Variants in CEP112 observed in about 807,000 individuals in gnomAD.
CEP112 encodes the protein centrosomal protein 112.
Under a neutral mutation model 153.0 loss-of-function variants are expected in CEP112, and 127 were observed. That is an observed-to-expected ratio of 0.83 (90% CI 0.72 to 0.96). The LOEUF is 0.96. CEP112 is among the 40% of genes least tolerant of loss of function. CEP112 has a pLI of 0.00. For missense variants in CEP112, 1,089 were observed against 1,101.2 expected (o/e 0.99, Z 0.16); for synonymous variants, 358 against 374.4 (o/e 0.96, Z 0.51).
chr17:66,108,224 A>C (rs2068867217), intron 6 of CEP112, among the ~76,000 whole-genome samples: 1 of 152,176 alleles, frequency 6.6e-6, no homozygotes, highest in South Asian at 2.1e-4. Context: ...GAAACTCTCC[A>C]GGACATTGGA....
At chr17:65,800,214 C>A (rs1016822818) in intron 21 of CEP112, among the ~76,000 whole-genome samples, 3 of 152,072 alleles carry the variant, frequency 2.0e-5, no homozygotes, top group African/African-American at 7.2e-5. Context: ...ACCATCACCA[C>A]AATCTGATTC....
intron 19 of CEP112, among the ~76,000 whole-genome samples, chr17:65,914,095 AAATTT>A (rs1347269997): frequency 6.6e-6 from 1 of 152,068 alleles, no homozygotes; most frequent in Non-Finnish European, 1.5e-5. Context: ...AAAATTAACT[AAATTT>A]AATTAAGATT....
intron 18 of CEP112, 113 bp from the exon 19 acceptor site, chr17:65,927,802 A>G: frequency 1.9e-6 from 1 of 513,198 alleles, no homozygotes; most frequent in Non-Finnish European, 3.3e-6. Context: ...ACCAATAATA[A>G]TGATGAATTT....
intron 21 of CEP112, among the ~76,000 whole-genome samples, chr17:65,834,782 G>A (rs1051856747): frequency 7.2e-5 from 11 of 152,118 alleles, no homozygotes; most frequent in Non-Finnish European, 1.2e-4. Flanking sequence ...GTGGAAGGCA[G>A]TATGGCCATT....
intron 12 of CEP112, among the ~76,000 whole-genome samples, chr17:66,046,725 G>C (rs2066225892): frequency 6.6e-6 from 1 of 152,058 alleles, no homozygotes; most frequent in Non-Finnish European, 1.5e-5. Context: ...ACTGGATTAG[G>C]GTGGGCCCTA....
At chr17:65,939,927 A>G (rs2061458493) in intron 18 of CEP112, among the ~76,000 whole-genome samples, 1 of 152,214 alleles carries the variant, frequency 6.6e-6, no homozygotes, top group East Asian at 1.9e-4. Flanking sequence ...ACAGGAAACT[A>G]AACAATCAAC....
At chr17:65,781,552 C>G (rs1252235307) in intron 21 of CEP112, among the ~76,000 whole-genome samples, 1 of 151,916 alleles carries the variant, frequency 6.6e-6, no homozygotes, top group Non-Finnish European at 1.5e-5. Context: ...CCAAACCAAT[C>G]CTAAGCAAAA....
intron 4 of CEP112, among the ~76,000 whole-genome samples, chr17:66,143,643 TATA>T (rs2070799228): frequency 6.6e-6 from 1 of 152,212 alleles, no homozygotes. Flanking sequence ...TTAAAGGAAT[TATA>T]GCTTCATTTG....
At chr17:65,711,402 T>C (rs2049177166) in intron 23 of CEP112, among the ~76,000 whole-genome samples, 1 of 152,224 alleles carries the variant, frequency 6.6e-6, no homozygotes, top group African/African-American at 2.4e-5. Context: ...ACAGTACCTA[T>C]CTCATATGGT....
chr17:65,912,000 A>G (rs2060301933), intron 19 of CEP112, among the ~76,000 whole-genome samples: 1 of 152,024 alleles, frequency 6.6e-6, no homozygotes, highest in Non-Finnish European at 1.5e-5. Flanking sequence ...GCAGTACAAG[A>G]CTCTTAAACA....
chr17:65,880,791 C>T (rs2059034612), intron 20 of CEP112, among the ~76,000 whole-genome samples: 1 of 152,200 alleles, frequency 6.6e-6, no homozygotes, highest in Non-Finnish European at 1.5e-5. Flanking sequence ...AGTTAAACGT[C>T]TGAATGTTTT....
At chr17:65,940,205 G>C (rs1181696020) in intron 18 of CEP112, among the ~76,000 whole-genome samples, 1 of 152,138 alleles carries the variant, frequency 6.6e-6, no homozygotes, top group Admixed American at 6.5e-5. Flanking sequence ...ACAACTGTTA[G>C]AACAGTTTTT....
At chr17:65,733,242 A>G (rs2050614822) in intron 23 of CEP112, among the ~76,000 whole-genome samples, 1 of 152,202 alleles carries the variant, frequency 6.6e-6, no homozygotes, top group Non-Finnish European at 1.5e-5. Flanking sequence ...GATACACACA[A>G]CACTTATTGT....
chr17:66,169,282 CTTTT>C (rs538896272), intron 4 of CEP112, among the ~76,000 whole-genome samples: 7 of 120,964 alleles, frequency 5.8e-5, no homozygotes, highest in Non-Finnish European at 1.2e-4. Context: ...TTAATTTCTT[CTTTT>C]TTTTTTTTTT....
intron 20 of CEP112, among the ~76,000 whole-genome samples, chr17:65,861,735 AC>A (rs528030425): frequency 1.1e-3 from 160 of 152,338 alleles, no homozygotes; most frequent in African/African-American, 3.7e-3. Flanking sequence ...AAGAAGTCTG[AC>A]AATACCAAAT....
rs529533936 is a variant in CEP112 at position 66,155,429 on chromosome 17, C to T, written c.470+19615G>A. On this transcript the variant is annotated intron_variant, in intron 4 of 26. Transcript: ENST00000535342. ...GAGATTCCCTTAGGTGCCTACACCA[C>T]CAGGGCCCTGGGTTTCAAGCACAAA... is the stretch of plus-strand genomic sequence containing the variant. Among the ~76,000 whole-genome samples the T allele has an allele frequency of 5.9e-5, 9 of 152,214 alleles. No individual in the cohort carries two copies. In the South Asian group the frequency reaches 1.9e-3, roughly 32 times the overall value.
intron 17 of CEP112, among the ~76,000 whole-genome samples, chr17:65,971,325 A>G (rs138630657): frequency 1.3e-5 from 2 of 150,932 alleles, no homozygotes; most frequent in Non-Finnish European, 3.0e-5. Flanking sequence ...CAAGTCTTAA[A>G]AATATATTAC....
chr17:65,726,803 T>C (rs540997339), intron 23 of CEP112, among the ~76,000 whole-genome samples: 1 of 152,356 alleles, frequency 6.6e-6, no homozygotes, highest in South Asian at 2.1e-4. Flanking sequence ...TCTTTTTATG[T>C]ATATGACATG....
At chr17:66,150,180 G>A (rs1405168489) in intron 4 of CEP112, among the ~76,000 whole-genome samples, 4 of 146,674 alleles carry the variant, frequency 2.7e-5, no homozygotes, top group Non-Finnish European at 4.5e-5. Flanking sequence ...GATTACAGGC[G>A]TGAGCCACCG....
Sources: allele counts gnomAD v4.1 joint callset (sites outside exome capture counted in the v4.1 genomes callset), GRCh38; gene constraint gnomAD v4.1.1; transcripts MANE v1.5; gene names NCBI Gene and HGNC (gene_info 2026-07-23, HGNC 2026-07-21).